TTC17: variants seen among roughly 807,000 people sequenced by gnomAD.
TTC17 encodes tetratricopeptide repeat domain 17, also known as tetratricopeptide repeat protein 17.
A neutral mutation model predicts 143.8 loss-of-function variants in TTC17; 58 were observed. The ratio of observed to expected loss-of-function variants is 0.40; its 90% CI spans 0.33 to 0.50. The LOEUF (loss-of-function observed/expected upper bound fraction) is 0.50. Ranked by LOEUF, TTC17 falls within the 20% of genes least tolerant of loss-of-function variation. TTC17 has a pLI of 0.49. For synonymous variants in TTC17, 501 were observed against 497.8 expected (o/e 1.01, Z -0.09); for missense variants, 1,273 against 1,392.5 (o/e 0.91, Z 1.37).
intron 5 of TTC17, 185 bp from the exon 6 acceptor site, chr11:43,396,523 GA>G (rs965802562): frequency 7.9e-6 from 3 of 380,986 alleles, no homozygotes; most frequent in African/African-American, 6.2e-5. Flanking sequence ...CTGATGATTA[GA>G]ATGCTCTTCT....
Position 43,482,352 on chromosome 11 carries a change from G to A in TTC17, c.3031-7887G>A, listed in dbSNP as rs534408155. The stretch of plus-strand genomic sequence containing the variant: ...AGATGTTCAATGCTAAAAGTTTCCT[G>A]TAAATTTATGACAAATTTAACTTGT... On this transcript the variant is annotated intron_variant, in intron 21 of 23. Transcript: ENST00000039989. Among the ~76,000 whole-genome samples the A allele has an allele frequency of 4.0e-5, 6 of 150,496 alleles. No individual in the cohort carries two copies. In the South Asian group the frequency reaches 8.4e-4, roughly 21 times the overall value.
chr11:43,368,395 C>T (rs1856433140), intron 1 of TTC17, among the ~76,000 whole-genome samples: 1 of 152,132 alleles, frequency 6.6e-6, no homozygotes, highest in African/African-American at 2.4e-5. Context: ...TGATTTTCTA[C>T]CCCACCACAC....
intron 8 of TTC17, among the ~76,000 whole-genome samples, chr11:43,399,234 T>G (rs1324189879): frequency 6.6e-6 from 1 of 152,250 alleles, no homozygotes; most frequent in African/African-American, 2.4e-5. Flanking sequence ...GAGGAAAGGA[T>G]TCTAGAAAGA....
At chr11:43,420,558 G>GT (rs1222871016) in intron 16 of TTC17, among the ~76,000 whole-genome samples, 4 of 152,156 alleles carry the variant, frequency 2.6e-5, no homozygotes, top group African/African-American at 9.7e-5. Flanking sequence ...CGTGGAAGAT[G>GT]TTATGCCTGT....
chr11:43,435,590 A>G (rs1947274251), intron 16 of TTC17, among the ~76,000 whole-genome samples: 1 of 152,202 alleles, frequency 6.6e-6, no homozygotes, highest in Non-Finnish European at 1.5e-5. Flanking sequence ...TATTGATATG[A>G]CCAGAACCTG....
chr11:43,442,835 G>T (rs1332754109), intron 16 of TTC17, among the ~76,000 whole-genome samples: 1 of 152,090 alleles, frequency 6.6e-6, no homozygotes, highest in East Asian at 1.9e-4. Context: ...TGAAAAATGG[G>T]AGCCTTCATG....
chr11:43,440,340 T>C (rs1411878764), intron 16 of TTC17, among the ~76,000 whole-genome samples: 1 of 152,242 alleles, frequency 6.6e-6, no homozygotes, highest in Non-Finnish European at 1.5e-5. Flanking sequence ...TCCAACTCTT[T>C]ATCCTGTTGC....
At chr11:43,373,988 C>A (rs1213257465) in intron 1 of TTC17, among the ~76,000 whole-genome samples, 1 of 151,790 alleles carries the variant, frequency 6.6e-6, no homozygotes, top group African/African-American at 2.4e-5. Context: ...CGTTTTTTTT[C>A]CAAATAGTCA....
chr11:43,380,342 A>G (rs1021457420), intron 2 of TTC17, among the ~76,000 whole-genome samples: 1 of 151,634 alleles, frequency 6.6e-6, no homozygotes, highest in African/African-American at 2.4e-5. Context: ...TGCAACCTCC[A>G]CCTCCCCGGT....
intron 21 of TTC17, among the ~76,000 whole-genome samples, chr11:43,470,615 A>T (rs1948073984): frequency 6.6e-6 from 1 of 152,214 alleles, no homozygotes; most frequent in Admixed American, 6.5e-5. Context: ...TAGGGAAATA[A>T]AGCTAGAAGT....
At chr11:43,447,896 G>A (rs1947578910) in intron 18 of TTC17, 106 bp from the exon 19 acceptor site, 1 of 1,393,076 alleles carries the variant, frequency 7.2e-7, no homozygotes, top group African/African-American at 1.4e-5. Flanking sequence ...GGAATGACTA[G>A]CACCTCCAAA....
chr11:43,406,149 T>C (rs1322510316), intron 13 of TTC17, among the ~76,000 whole-genome samples, 198 bp downstream of exon 13: 1 of 152,182 alleles, frequency 6.6e-6, no homozygotes, highest in Non-Finnish European at 1.5e-5. Context: ...TCCTCGGGGC[T>C]GCTATACGTA....
chr11:43,397,291 A>G, intron 6 of TTC17, 56 bp from the exon 7 acceptor site: 2 of 1,554,882 alleles, frequency 1.3e-6, no homozygotes, highest in Non-Finnish European at 1.7e-6. Flanking sequence ...TTTGAATGTC[A>G]TTTTTCCTTG....
At chr11:43,380,915 A>G (rs957850873) in intron 2 of TTC17, among the ~76,000 whole-genome samples, 2 of 152,202 alleles carry the variant, frequency 1.3e-5, no homozygotes, top group African/African-American at 2.4e-5. Flanking sequence ...CATGCTTGGA[A>G]GCATGATCTA....
chr11:43,394,105 TAAC>T (rs1857490724), intron 5 of TTC17, among the ~76,000 whole-genome samples: 1 of 152,210 alleles, frequency 6.6e-6, no homozygotes, highest in African/African-American at 2.4e-5. Context: ...ACAGGCCTGA[TAAC>T]ACTTGAACAT....
At position 43,389,831 on chromosome 11, in the gene TTC17, TTC is replaced by T. The variant is rs1857310360; in HGVS notation, c.419+14_419+15del. 1.9e-6 allele frequency: 3 copies of T among 1,566,736 alleles called. No individual in the cohort carries two copies. ...AGAGCAAAGACATCAGGTAAAGAAG[TTC>T]TCTTTCCAAAAATAAAATTGCTGTT... On this transcript the variant is annotated intron_variant, in intron 3 of 23. Coordinates refer to ENST00000039989, the MANE Select transcript of TTC17 (RefSeq NM_018259.6).
intron 1 of TTC17, among the ~76,000 whole-genome samples, chr11:43,375,327 C>T (rs954169243): frequency 6.6e-6 from 1 of 152,132 alleles, no homozygotes; most frequent in Non-Finnish European, 1.5e-5. Flanking sequence ...GCTTTTGCCA[C>T]AGGGGGGACT....
chr11:43,487,326 A>G (rs1480122001), intron 21 of TTC17, among the ~76,000 whole-genome samples: 1 of 151,942 alleles, frequency 6.6e-6, no homozygotes, highest in Non-Finnish European at 1.5e-5. Flanking sequence ...TTGTATTTTT[A>G]GTATAGACGG....
intron 1 of TTC17, among the ~76,000 whole-genome samples, chr11:43,362,377 A>AT (rs918780744): frequency 3.9e-5 from 6 of 152,172 alleles, no homozygotes; most frequent in African/African-American, 9.6e-5. Context: ...AATTCATTTG[A>AT]TTTTTTATAT....
Sources: gnomAD v4.1 joint callset for allele counts (sites outside exome capture counted in the v4.1 genomes callset) on GRCh38, gnomAD v4.1.1 for gene constraint, MANE v1.5 for transcripts, NCBI Gene and HGNC (gene_info 2026-07-23, HGNC 2026-07-21) for gene names.